SLC24A3: variants seen among roughly 807,000 people sequenced by gnomAD.
The protein encoded by SLC24A3 is solute carrier family 24 member 3, also known as sodium/potassium/calcium exchanger 3.
Under a neutral mutation model 75.8 loss-of-function variants are expected in SLC24A3, and 28 were observed. The ratio of observed to expected loss-of-function variants is 0.37; its 90% confidence interval spans 0.27 to 0.51. The LOEUF (loss-of-function observed/expected upper bound fraction) is 0.51. Ranked by LOEUF, SLC24A3 falls within the 20% of genes least tolerant of loss-of-function variation. The pLI, the probability that SLC24A3 is intolerant of heterozygous loss-of-function variation, is 0.94. For synonymous variants in SLC24A3, 372 were observed against 334.1 expected, an observed-to-expected ratio of 1.11 and a Z score of -1.24; for missense variants, 663 against 847.8, an observed-to-expected ratio of 0.78 and a Z score of 2.71.
At chr20:19,260,100 G>A (rs1415356459) in intron 1 of SLC24A3, among the ~76,000 whole-genome samples, 1 of 152,212 alleles carries the variant, frequency 6.6e-6, no homozygotes, top group East Asian at 1.9e-4. Flanking sequence ...TGAACCTGAG[G>A]TGATCAACTT....
intron 12 of SLC24A3, among the ~76,000 whole-genome samples, chr20:19,689,150 C>T (rs964755708): frequency 2.0e-5 from 3 of 152,070 alleles, no homozygotes; most frequent in East Asian, 3.9e-4. Flanking sequence ...AGGAAATACA[C>T]CAAAATATAA....
chr20:19,213,883 C>T (rs532209143), intron 1 of SLC24A3, among the ~76,000 whole-genome samples: 2 of 152,128 alleles, frequency 1.3e-5, no homozygotes, highest in East Asian at 3.9e-4. Flanking sequence ...ATATCCCGGC[C>T]GTGGAAGTGG....
chr20:19,326,731 C>T (rs1984872943), intron 2 of SLC24A3, among the ~76,000 whole-genome samples: 1 of 152,050 alleles, frequency 6.6e-6, no homozygotes, highest in African/African-American at 2.4e-5. Flanking sequence ...ACACATGCCA[C>T]CACACCAGCT....
intron 1 of SLC24A3, chr20:19,243,845 C>G (rs961590295): frequency 6.6e-6 from 1 of 152,246 alleles, no homozygotes; most frequent in Non-Finnish European, 1.5e-5. Flanking sequence ...TCCCCAAGAA[C>G]TGAATCCCCA....
At position 19,715,850 on chromosome 20, in the gene SLC24A3, G is replaced by T. The variant is rs113718818; in HGVS notation, c.1720-1678G>T. 9.2e-5 allele frequency among the ~76,000 whole-genome samples: 14 copies of T among 152,284 alleles called. 1 individual carries two copies. The highest frequency in any genetic ancestry group is 3.1e-4 in the African/African-American group (13 of 41,554). ...AGCCTCACTTTCCCTTCCCAAGAAC[G>T]TAGAGAAGCTTTTCACTCCCTGCAG... On this transcript the variant is annotated intron_variant, in intron 15 of 16. Coordinates refer to ENST00000328041, the MANE Select transcript of SLC24A3 (RefSeq NM_020689.4).
chr20:19,583,390 G>A (rs2031247416), intron 4 of SLC24A3, among the ~76,000 whole-genome samples: 1 of 152,154 alleles, frequency 6.6e-6, no homozygotes, highest in Non-Finnish European at 1.5e-5. Context: ...CCAGCATACA[G>A]GGAGCCCTGC....
rs1301232187 is a variant in SLC24A3 at position 19,212,760 on chromosome 20, T to A, written c.-83T>A. On this transcript the variant is annotated 5_prime_UTR_variant, in exon 1 of 17. Coordinates refer to ENST00000328041, the MANE Select transcript of SLC24A3 (RefSeq NM_020689.4). ...GACGCGCGGCTGCTGCGCGCAGGGC[T>A]GCCTCCTGCCGCTGTCCCCGCCGCG... 2.1e-6 allele frequency: 2 copies of A among 958,672 alleles called. No individual in the cohort carries two copies. Among genetic ancestry groups the A allele is most frequent in the Non-Finnish European group, 2.5e-6 (2 of 809,140 alleles). The allele number at this position is 958,672 out of a possible 1,614,324, so 59.4% of individuals were successfully genotyped here.
chr20:19,272,188 A>T (rs1983350394), intron 1 of SLC24A3, among the ~76,000 whole-genome samples: 1 of 152,212 alleles, frequency 6.6e-6, no homozygotes, highest in African/African-American at 2.4e-5. Flanking sequence ...AGGCACTTGC[A>T]GGCTCTGCAG....
intron 6 of SLC24A3, among the ~76,000 whole-genome samples, chr20:19,650,877 T>C (rs2032195079): frequency 2.6e-5 from 4 of 152,190 alleles, no homozygotes; most frequent in Admixed American, 2.6e-4. Context: ...CCAATCTTCT[T>C]TCTGTACGTT....
At chr20:19,325,789 TATATATAGAGAGAGAGAGAG>T (rs1168212283) in intron 2 of SLC24A3, among the ~76,000 whole-genome samples, 1 of 92,502 alleles carries the variant, frequency 1.1e-5, no homozygotes, top group African/African-American at 4.2e-5. Flanking sequence ...TATATATATA[TATATATAGAGAGAGAGAGAG>T]AGAGAGAGAG....
chr20:19,253,721 A>G (rs1982730623), intron 1 of SLC24A3, among the ~76,000 whole-genome samples: 1 of 152,192 alleles, frequency 6.6e-6, no homozygotes, highest in African/African-American at 2.4e-5. Flanking sequence ...CCAGTCTGGC[A>G]GGAAAAGGAG....
chr20:19,427,444 T>C (rs984424811), intron 2 of SLC24A3, among the ~76,000 whole-genome samples: 30 of 152,232 alleles, frequency 2.0e-4, no homozygotes, highest in African/African-American at 7.0e-4. Context: ...TTGAGCATAT[T>C]ATGTAAAAAT....
intron 3 of SLC24A3, among the ~76,000 whole-genome samples, chr20:19,516,175 C>T (rs1199404231): frequency 6.6e-6 from 1 of 152,210 alleles, no homozygotes; most frequent in African/African-American, 2.4e-5. Flanking sequence ...CATCTGGCCT[C>T]TTACTTTCCA....
rs917482120 is a variant in SLC24A3, at chr20:19,236,325, A to G, written c.142+23341A>G. Among the ~76,000 whole-genome samples the G allele has an allele frequency of 6.6e-5, 10 of 152,316 alleles. No homozygotes were observed. In the East Asian group the frequency reaches 1.9e-3, roughly 29 times the overall value. On this transcript the variant is annotated intron_variant, in intron 1 of 16. Coordinates refer to ENST00000328041, the MANE Select transcript of SLC24A3 (RefSeq NM_020689.4). ...ATAGTGAGTGATATGGGTTAATTCC[A>G]CAAGACAGCTCAGGGGGAAGCCAGC...
chr20:19,458,100 A>G (rs1208897705), intron 2 of SLC24A3, among the ~76,000 whole-genome samples: 1 of 152,086 alleles, frequency 6.6e-6, no homozygotes, highest in Non-Finnish European at 1.5e-5. Context: ...AGTGCTTTGT[A>G]AGTTGGAAGT....
chr20:19,594,215 G>A (rs1172915260), intron 6 of SLC24A3, among the ~76,000 whole-genome samples: 1 of 151,906 alleles, frequency 6.6e-6, no homozygotes, highest in African/African-American at 2.4e-5. Context: ...CCTTCGACTG[G>A]TGTCCACTGA....
intron 2 of SLC24A3, among the ~76,000 whole-genome samples, chr20:19,452,145 A>T (rs1461427716): frequency 5.3e-5 from 8 of 152,178 alleles, no homozygotes; most frequent in Admixed American, 5.2e-4. Flanking sequence ...CCACAAGTGC[A>T]GTAGTGCTTT....
At chr20:19,635,839 C>G (rs1180174378) in intron 6 of SLC24A3, among the ~76,000 whole-genome samples, 1 of 152,082 alleles carries the variant, frequency 6.6e-6, no homozygotes, top group Non-Finnish European at 1.5e-5. Context: ...AGTAAATGTT[C>G]CAGAAAATAA....
At chr20:19,304,906 T>A (rs896011530) in intron 2 of SLC24A3, among the ~76,000 whole-genome samples, 16 of 152,244 alleles carry the variant, frequency 1.1e-4, no homozygotes, top group African/African-American at 3.6e-4. Context: ...ATTTTGGCCC[T>A]GTCTGAACTT....
Sources: allele counts gnomAD v4.1 joint callset (sites outside exome capture counted in the v4.1 genomes callset), GRCh38; gene constraint gnomAD v4.1.1; transcripts MANE v1.5; gene names NCBI Gene and HGNC (gene_info 2026-07-23, HGNC 2026-07-21).